The following UNC5C variants were observed in gnomAD, a reference collection of about 807,000 sequenced individuals.
UNC5C encodes unc-5 netrin receptor C.
A neutral mutation model predicts 99.8 loss-of-function variants in UNC5C; 47 were observed. That is an observed-to-expected ratio of 0.47 (90% confidence interval 0.37 to 0.60). The LOEUF is 0.60. Ranked by LOEUF, UNC5C falls within the 20% of genes least tolerant of loss-of-function variation. UNC5C has a pLI of 0.00. For missense variants in UNC5C, 1,062 were observed against 1,165.9 expected, an observed-to-expected ratio of 0.91 and a Z score of 1.30; for synonymous variants, 487 against 452.2, an observed-to-expected ratio of 1.08 and a Z score of -0.98.
In UNC5C at chr4:95,219,020, C is replaced by T. The variant is rs148691835; in HGVS notation, c.1594G>A (p.Ala532Thr). The change falls in exon 9 of 16, where the codon GCA becomes ACA. Residue 532 changes from alanine (A) to threonine (T), a missense_variant. Around this residue, in one of 3 missense-constraint regions of UNC5C, gnomAD observed 810 missense variants for 854.5 expected, o/e 0.95. Transcript: ENST00000453304. ...LARQTDPSCT[A>T]FGSFNSLGGH... is the part of the protein sequence containing the mutation. ...CCCAGCGAGTTGAAGCTGCCAAATG[C>T]GGTACAGGATGGATCAGTCTGCCTT... 1.6e-4 allele frequency: 255 copies of T among 1,613,230 alleles called. No homozygotes were observed. Among genetic ancestry groups the T allele is most frequent in the Admixed American group, 1.8e-4 (11 of 59,940 alleles).
At chr4:95,467,811 C>T (rs1363469582) in intron 1 of UNC5C, among the ~76,000 whole-genome samples, 2 of 152,106 alleles carry the variant, frequency 1.3e-5, no homozygotes, top group African/African-American at 4.8e-5. Flanking sequence ...CATAAACAGT[C>T]AATTAACACA....
chr4:95,478,608 C>A (rs771245976), intron 1 of UNC5C, among the ~76,000 whole-genome samples: 14 of 152,112 alleles, frequency 9.2e-5, no homozygotes, highest in South Asian at 8.3e-4. Context: ...TCCCCACAAG[C>A]AATTCAGTTA....
In UNC5C at chr4:95,355,733, A is replaced by G. The variant is rs377217504; in HGVS notation, c.125-20102T>C. 1.1e-4 allele frequency among the ~76,000 whole-genome samples: 16 copies of G among 152,292 alleles called. No homozygotes were observed. The East Asian group carries it at 2.9e-3, about 28-fold the overall frequency. ...GAGTGCTAAGGGACTCTTGGTACAT[A>G]GCAAAACCAAAGATAAATAAAAGAC... On this transcript the variant is annotated intron_variant, in intron 1 of 15. Transcript: ENST00000453304.
intron 1 of UNC5C, among the ~76,000 whole-genome samples, chr4:95,363,743 T>C (rs1033677178): frequency 6.6e-6 from 1 of 152,134 alleles, no homozygotes; most frequent in Non-Finnish European, 1.5e-5. Context: ...CGCTTTTCAC[T>C]GGTGAAATAA....
At chr4:95,175,391 CT>C (rs1736296073) in intron 14 of UNC5C, among the ~76,000 whole-genome samples, 1 of 151,648 alleles carries the variant, frequency 6.6e-6, no homozygotes, top group Non-Finnish European at 1.5e-5. Context: ...CCGGTTGTTC[CT>C]TTCCATGTTT....
intron 1 of UNC5C, among the ~76,000 whole-genome samples, chr4:95,360,043 T>A (rs1315000666): frequency 7.2e-5 from 11 of 152,022 alleles, no homozygotes; most frequent in African/African-American, 2.7e-4. Context: ...AAATACTCAA[T>A]ACATAGACTT....
At chr4:95,398,217 A>G (rs1296934927) in intron 1 of UNC5C, among the ~76,000 whole-genome samples, 1 of 152,148 alleles carries the variant, frequency 6.6e-6, no homozygotes, top group Non-Finnish European at 1.5e-5. Context: ...CTTGGGTAGT[A>G]GAACAAACTA....
intron 3 of UNC5C, among the ~76,000 whole-genome samples, chr4:95,280,858 C>T (rs10516961): frequency 0.017 from 2,615 of 151,320 alleles, 63 homozygotes; most frequent in African/African-American, 0.056. Context: ...CCTGCTGATA[C>T]GGATTTTCTA....
At chr4:95,173,433 G>C (rs1305068099) in intron 14 of UNC5C, among the ~76,000 whole-genome samples, 11 of 149,816 alleles carry the variant, frequency 7.3e-5, no homozygotes, top group Non-Finnish European at 1.5e-5. Flanking sequence ...CTAATTTATT[G>C]AGAGTTTTCA....
chr4:95,233,838 G>A (rs893439918), intron 7 of UNC5C, among the ~76,000 whole-genome samples: 5 of 152,100 alleles, frequency 3.3e-5, no homozygotes, highest in Non-Finnish European at 7.3e-5. Flanking sequence ...AGGAGGCTGA[G>A]GCAGGAGAAT....
chr4:95,487,845 A>G (rs1426381475), intron 1 of UNC5C, among the ~76,000 whole-genome samples: 1 of 151,804 alleles, frequency 6.6e-6, no homozygotes, highest in Non-Finnish European at 1.5e-5. Flanking sequence ...AAGGAAATAG[A>G]AAGTATACTT....
chr4:95,485,241 A>G (rs1458669978), intron 1 of UNC5C, among the ~76,000 whole-genome samples: 1 of 151,828 alleles, frequency 6.6e-6, no homozygotes, highest in Non-Finnish European at 1.5e-5. Context: ...TGCCTTGGGA[A>G]TTACCAGATA....
At chr4:95,526,091 G>A (rs996150308) in intron 1 of UNC5C, among the ~76,000 whole-genome samples, 8 of 152,078 alleles carry the variant, frequency 5.3e-5, no homozygotes, top group African/African-American at 1.7e-4. Flanking sequence ...AAAGGGCAAC[G>A]ACTTTTCAAA....
At chr4:95,423,270 A>C (rs1746371288) in intron 1 of UNC5C, among the ~76,000 whole-genome samples, 1 of 152,200 alleles carries the variant, frequency 6.6e-6, no homozygotes, top group Non-Finnish European at 1.5e-5. Context: ...TGTGGCATTA[A>C]AGACAACAGT....
intron 4 of UNC5C, among the ~76,000 whole-genome samples, chr4:95,273,785 C>T (rs926902093): frequency 2.0e-5 from 3 of 152,100 alleles, no homozygotes; most frequent in African/African-American, 7.2e-5. Context: ...AGTCCTGGAA[C>T]TCAAGTGTCT....
chr4:95,301,924 C>T (rs2149404214), intron 2 of UNC5C, among the ~76,000 whole-genome samples, 175 bp from the exon 3 acceptor site: 1 of 152,286 alleles, frequency 6.6e-6, no homozygotes. Context: ...TACTCAACAA[C>T]TTTTTCATTC....
intron 4 of UNC5C, among the ~76,000 whole-genome samples, chr4:95,271,283 A>C (rs964865047): frequency 6.6e-6 from 1 of 151,254 alleles, no homozygotes; most frequent in Admixed American, 6.6e-5. Context: ...GCTGGAGTGC[A>C]GTGGCGCGAT....
chr4:95,286,009 A>C (rs2149397453), intron 3 of UNC5C, among the ~76,000 whole-genome samples: 1 of 152,300 alleles, frequency 6.6e-6, no homozygotes, highest in African/African-American at 2.4e-5. Context: ...TTCCTGCCTT[A>C]GTTTCATCAG....
At chr4:95,472,393 G>A (rs1287917099) in intron 1 of UNC5C, among the ~76,000 whole-genome samples, 5 of 152,060 alleles carry the variant, frequency 3.3e-5, no homozygotes, top group Non-Finnish European at 5.9e-5. Flanking sequence ...CAGGTATGAG[G>A]ATCATGAGGG....
Sources: allele counts gnomAD v4.1 joint callset (sites outside exome capture counted in the v4.1 genomes callset), GRCh38; gene constraint gnomAD v4.1.1; regional missense constraint gnomAD v4.1.1; transcripts MANE v1.5; gene names NCBI Gene and HGNC (gene_info 2026-07-23, HGNC 2026-07-21).